The following NLN variants were observed in gnomAD, a reference collection of about 807,000 sequenced individuals.
NLN encodes neurolysin, also known as neurolysin, mitochondrial.
A neutral mutation model predicts 79.9 loss-of-function variants in NLN; 64 were observed. The observed-to-expected ratio is 0.80, with a 90% CI of 0.65 to 0.99. NLN has a LOEUF of 0.99. Among genes scored for constraint, NLN ranks in the 50% least tolerant of loss-of-function variants. NLN has a pLI of 0.00. For synonymous variants in NLN, 267 were observed against 296.6 expected (o/e 0.90, Z 1.02); for missense variants, 835 against 858.7 (o/e 0.97, Z 0.34).
At chr5:65,735,215 T>C (rs1292003434) in intron 1 of NLN, among the ~76,000 whole-genome samples, 1 of 152,222 alleles carries the variant, frequency 6.6e-6, no homozygotes. Context: ...GCCATGATTC[T>C]AAGTTTCATG....
At chr5:65,733,302 G>A in intron 1 of NLN, 1 of 1,514,748 alleles carries the variant, frequency 6.6e-7, no homozygotes, top group South Asian at 1.1e-5. Flanking sequence ...CACGTTAAAG[G>A]ACTGTCAGAT....
In NLN at chr5:65,824,442, A is replaced by G. The variant is rs991580133; in HGVS notation, c.*1527A>G. ...TTGCCCAGCCCTTCTCTTCCCACACACTCACTCAATGTCACCCCCTTCTAA... is the reference window on the plus strand; with the variant it reads ...TTGCCCAGCCCTTCTCTTCCCACACGCTCACTCAATGTCACCCCCTTCTAA... On this transcript the variant is annotated 3_prime_UTR_variant, in exon 13 of 13. Transcript: ENST00000380985. The G allele has an allele frequency of 1.2e-4, 18 of 151,768 alleles. No homozygotes were observed. Among genetic ancestry groups the G allele is most frequent in the Non-Finnish European group, 2.4e-4 (16 of 67,970 alleles). The allele number at this position is 151,768 out of a possible 1,614,324, so 9.4% of individuals were successfully genotyped here.
At chr5:65,759,289 A>G (rs1338553428) in intron 2 of NLN, among the ~76,000 whole-genome samples, 2 of 152,174 alleles carry the variant, frequency 1.3e-5, no homozygotes, top group African/African-American at 2.4e-5. Flanking sequence ...TACAAGCAGT[A>G]TTTAATGACA....
At chr5:65,729,792 T>TA (rs1295760664) in intron 1 of NLN, among the ~76,000 whole-genome samples, 1 of 152,220 alleles carries the variant, frequency 6.6e-6, no homozygotes, top group African/African-American at 2.4e-5. Context: ...GCACAGGACT[T>TA]ACTTGGGAAG....
chr5:65,782,675 T>C (rs1759825781), intron 6 of NLN, among the ~76,000 whole-genome samples: 1 of 152,180 alleles, frequency 6.6e-6, no homozygotes, highest in African/African-American at 2.4e-5. Context: ...TTTCCAACCA[T>C]CTGAAGATTG....
intron 12 of NLN, among the ~76,000 whole-genome samples, chr5:65,816,360 C>T (rs1415825166): frequency 6.6e-6 from 1 of 152,052 alleles, no homozygotes; most frequent in Non-Finnish European, 1.5e-5. Context: ...AGGAGAACAG[C>T]ACACACTGGG....
At chr5:65,788,603 A>C in intron 8 of NLN, 119 bp downstream of exon 8, 1 of 1,003,052 alleles carries the variant, frequency 1.0e-6, no homozygotes, top group Non-Finnish European at 1.5e-6. Flanking sequence ...TGGGAGGCCA[A>C]GGTGGGAGGA....
intron 2 of NLN, among the ~76,000 whole-genome samples, chr5:65,761,131 T>C (rs1759328314): frequency 6.6e-6 from 1 of 152,134 alleles, no homozygotes; most frequent in South Asian, 2.1e-4. Flanking sequence ...TGGTTCCAGG[T>C]CTTTGTGGCA....
chr5:65,803,488 T>G (rs1760335556), intron 9 of NLN, among the ~76,000 whole-genome samples: 1 of 152,072 alleles, frequency 6.6e-6, no homozygotes, highest in South Asian at 2.1e-4. Context: ...TGCTCCAAGA[T>G]CAGAGCAGGT....
At position 65,823,108 on chromosome 5, in the gene NLN, A is replaced by G. The variant is rs1034155355; in HGVS notation, c.*193A>G. The G allele has an allele frequency of 1.7e-5, 8 of 484,326 alleles. No individual in the cohort carries two copies. Among genetic ancestry groups the G allele is most frequent in the Non-Finnish European group, 2.9e-5 (8 of 274,612 alleles). The allele number at this position is 484,326 out of a possible 1,614,324, so 30.0% of individuals were successfully genotyped here. A position where few individuals can be genotyped will look rare whatever the true frequency, so the allele number is the denominator to read the frequency against. On this transcript the variant is annotated 3_prime_UTR_variant, in exon 13 of 13. Transcript: ENST00000380985. Reference sequence around the variant, plus strand: ...ACTGTGACCTAAGAAAAGACCCACTAGAAAGTAATTGTACTATAAAATTTC... The same window carrying G: ...ACTGTGACCTAAGAAAAGACCCACTGGAAAGTAATTGTACTATAAAATTTC...
chr5:65,771,683 C>T (rs10514989), intron 3 of NLN, among the ~76,000 whole-genome samples: 2,984 of 152,154 alleles, frequency 0.02, 107 homozygotes, highest in African/African-American at 0.07. Context: ...ATCTCTCCTA[C>T]TTGACCAGCC....
intron 1 of NLN, among the ~76,000 whole-genome samples, chr5:65,725,379 A>G (rs1758446413): frequency 6.6e-6 from 1 of 152,246 alleles, no homozygotes; most frequent in Admixed American, 6.5e-5. Flanking sequence ...AACTATATCA[A>G]TGTACTTGTT....
At chr5:65,818,637 T>C (rs1483404234) in intron 12 of NLN, 2 of 152,214 alleles carry the variant, frequency 1.3e-5, no homozygotes, top group African/African-American at 4.8e-5. Context: ...CTCCCCACCC[T>C]CACAGAAAAC....
intron 3 of NLN, among the ~76,000 whole-genome samples, chr5:65,771,159 C>T (rs1759557646): frequency 6.6e-6 from 1 of 151,950 alleles, no homozygotes; most frequent in Non-Finnish European, 1.5e-5. Context: ...TAAATGTATC[C>T]TTAATTCCAC....
chr5:65,752,176 A>G (rs193265328), intron 1 of NLN, among the ~76,000 whole-genome samples: 5 of 152,198 alleles, frequency 3.3e-5, no homozygotes, highest in East Asian at 1.9e-4. Flanking sequence ...GGTTGAGGCT[A>G]CAGTGAGCCA....
At chr5:65,789,923 T>C (rs1457132500) in intron 8 of NLN, among the ~76,000 whole-genome samples, 1 of 152,124 alleles carries the variant, frequency 6.6e-6, no homozygotes, top group East Asian at 1.9e-4. Flanking sequence ...ATAACCTCTT[T>C]GAGATTCTGT....
chr5:65,754,166 C>A (rs1379252258), intron 1 of NLN, among the ~76,000 whole-genome samples: 4 of 152,168 alleles, frequency 2.6e-5, no homozygotes, highest in African/African-American at 9.7e-5. Flanking sequence ...TGACTCATAA[C>A]TGGAATGGTC....
chr5:65,782,911 A>G (rs1209601218), intron 6 of NLN, among the ~76,000 whole-genome samples: 1 of 152,198 alleles, frequency 6.6e-6, no homozygotes, highest in Non-Finnish European at 1.5e-5. Flanking sequence ...GTTTTCACAA[A>G]TGCCCATGGT....
rs781108336 is a variant in NLN at position 65,781,277 on chromosome 5, T to C, written c.678T>C (p.Asp226=). 5 of 1,607,672 alleles carry C rather than the reference T, an allele frequency of 3.1e-6. No individual in the cohort carries two copies. The highest frequency in any genetic ancestry group is 4.2e-6 in the Non-Finnish European group (5 of 1,176,846). Residue 226 remains aspartate, a synonymous_variant, in exon 6 of 13, where the codon GAT becomes GAC. Coordinates refer to ENST00000380985, the MANE Select transcript of NLN (RefSeq NM_020726.5). ...SKAELGALPD[D]FIDSLEKTDD... is the part of the protein sequence containing the mutation. ...TTTTTGCAGGTGCTCTTCCTGATGA[T>C]TTCATTGACAGTTTAGAAAAGACAG...
Sources: allele counts gnomAD v4.1 joint callset (sites outside exome capture counted in the v4.1 genomes callset), GRCh38; gene constraint gnomAD v4.1.1; transcripts MANE v1.5; gene names NCBI Gene and HGNC (gene_info 2026-07-23, HGNC 2026-07-21).